SEC22A: variants seen among roughly 807,000 people sequenced by gnomAD.
The protein encoded by SEC22A is vesicle-trafficking protein SEC22a.
Under a neutral mutation model 35.3 loss-of-function variants are expected in SEC22A, and 22 were observed. That is an observed-to-expected ratio of 0.62 (90% CI 0.45 to 0.89). The LOEUF is 0.89. SEC22A is among the 40% of genes least tolerant of loss of function. The pLI is 0.00. For synonymous variants in SEC22A, 119 were observed against 129.5 expected, an observed-to-expected ratio of 0.92 and a Z score of 0.55; for missense variants, 354 against 362.5, an observed-to-expected ratio of 0.98 and a Z score of 0.19.
intron 2 of SEC22A, among the ~76,000 whole-genome samples, chr3:123,214,463 A>G (rs1203497189): frequency 6.6e-6 from 1 of 152,188 alleles, no homozygotes; most frequent in Non-Finnish European, 1.5e-5. Flanking sequence ...ATTGGGCAGG[A>G]TGGTGTGTAG....
At chr3:123,233,378 A>T (rs1245883855) in intron 4 of SEC22A, among the ~76,000 whole-genome samples, 1 of 152,192 alleles carries the variant, frequency 6.6e-6, no homozygotes, top group Non-Finnish European at 1.5e-5. Context: ...TATACTATCT[A>T]GGTTTGTGTA....
intron 1 of SEC22A, among the ~76,000 whole-genome samples, chr3:123,206,896 T>C (rs1936863001): frequency 6.6e-6 from 1 of 152,234 alleles, no homozygotes; most frequent in Non-Finnish European, 1.5e-5. Flanking sequence ...GAGACCAGCC[T>C]GGCCAACATG....
At chr3:123,236,152 A>C (rs1434858775) in intron 4 of SEC22A, among the ~76,000 whole-genome samples, 2 of 152,174 alleles carry the variant, frequency 1.3e-5, no homozygotes, top group African/African-American at 2.4e-5. Flanking sequence ...GAGTATACGA[A>C]AAACTCCTGA....
intron 6 of SEC22A, among the ~76,000 whole-genome samples, chr3:123,268,453 A>G (rs374994928): frequency 2.6e-5 from 4 of 152,260 alleles, no homozygotes; most frequent in African/African-American, 9.6e-5. Flanking sequence ...TTTCCTCCAC[A>G]GTTCAGAGTC....
chr3:123,246,815 C>G (rs181638775), intron 5 of SEC22A, among the ~76,000 whole-genome samples: 7 of 152,252 alleles, frequency 4.6e-5, no homozygotes, highest in African/African-American at 1.7e-4. Flanking sequence ...GTGCAGAATA[C>G]CATTTGTAAA....
At chr3:123,256,241 G>A (rs1937729877) in intron 5 of SEC22A, among the ~76,000 whole-genome samples, 1 of 152,132 alleles carries the variant, frequency 6.6e-6, no homozygotes, top group African/African-American at 2.4e-5. Context: ...ATAGAAGACT[G>A]CCAAGTTAGA....
chr3:123,271,812 A>C lies in SEC22A; in HGVS notation c.*90A>C. 2 of 1,069,852 alleles carry C rather than the reference A, an allele frequency of 1.9e-6. No homozygotes were observed. The highest frequency in any genetic ancestry group is 2.7e-6 in the Non-Finnish European group (2 of 728,250). The allele number at this position is 1,069,852 out of a possible 1,614,324, so 66.3% of individuals were successfully genotyped here. A position where few individuals can be genotyped will look rare whatever the true frequency, so the allele number is the denominator to read the frequency against. ...CTGTGATGAAGAAGCTGTTCCCCAC[A>C]GAGGAGAAGCTCTGCTTTCTTTCTC... On this transcript the variant is annotated 3_prime_UTR_variant, in exon 7 of 7. Coordinates refer to ENST00000492595, the MANE Select transcript of SEC22A (RefSeq NM_012430.5).
At chr3:123,270,684 C>T (rs1938139940) in intron 6 of SEC22A, among the ~76,000 whole-genome samples, 1 of 152,164 alleles carries the variant, frequency 6.6e-6, no homozygotes, top group Admixed American at 6.5e-5. Flanking sequence ...AAGCACATTT[C>T]TCAAGTATGT....
intron 4 of SEC22A, among the ~76,000 whole-genome samples, chr3:123,236,823 A>G (rs1937428195): frequency 6.6e-6 from 1 of 152,088 alleles, no homozygotes; most frequent in Admixed American, 6.6e-5. Context: ...GCACACACAC[A>G]CACACGCACA....
Position 123,208,887 on chromosome 3 carries a change from C to T in SEC22A, c.-19-312C>T, listed in dbSNP as rs781455217. On this transcript the variant is annotated intron_variant, in intron 1 of 6. Transcript: ENST00000492595. ...TCGGCTCACTGCAACCTCTGCCTCC[C>T]GGGTTCAAGCAATTCTCCTGCCTCG... 639 of 268,710 alleles carry T rather than the reference C, an allele frequency of 2.4e-3. 4 individuals carry two copies. Among genetic ancestry groups the T allele is most frequent in the Non-Finnish European group, 2.2e-3 (302 of 136,846 alleles). 16.6% of individuals were successfully genotyped at this position (268,710 alleles called of 1,614,324 possible).
At chr3:123,234,512 A>T (rs955566913) in intron 4 of SEC22A, among the ~76,000 whole-genome samples, 4 of 152,198 alleles carry the variant, frequency 2.6e-5, no homozygotes, top group African/African-American at 9.7e-5. Flanking sequence ...ACAATGGTGA[A>T]AGAATAGTCT....
chr3:123,207,049 C>G (rs1051846193), intron 1 of SEC22A, among the ~76,000 whole-genome samples: 3 of 152,194 alleles, frequency 2.0e-5, no homozygotes, highest in Non-Finnish European at 4.4e-5. Flanking sequence ...GATCGCACCA[C>G]TACACTCGTC....
chr3:123,259,482 T>G, intron 5 of SEC22A, 42 bp from the exon 6 acceptor site: 4 of 1,392,168 alleles, frequency 2.9e-6, no homozygotes, highest in East Asian at 2.3e-5. Context: ...GGAAATGGGC[T>G]CCCACCGGAA....
intron 4 of SEC22A, among the ~76,000 whole-genome samples, 179 bp downstream of exon 4, chr3:123,225,476 G>A (rs990856666): frequency 6.6e-6 from 1 of 152,126 alleles, no homozygotes; most frequent in African/African-American, 2.4e-5. Context: ...GACTAATCGG[G>A]AAAATACTTT....
chr3:123,268,342 C>G (rs1331743165), intron 6 of SEC22A, among the ~76,000 whole-genome samples: 1 of 152,158 alleles, frequency 6.6e-6, no homozygotes, highest in African/African-American at 2.4e-5. Context: ...TAGTTGCCAG[C>G]TTCTTCAGCT....
At chr3:123,223,830 A>G (rs1333584659) in intron 3 of SEC22A, 108 bp downstream of exon 3, 15 of 759,858 alleles carry the variant, frequency 2.0e-5, no homozygotes, top group Admixed American at 2.7e-5. Flanking sequence ...TGCTTTTGAT[A>G]TAATAATTTG....
In SEC22A at chr3:123,245,243, A is replaced by G. The variant is rs573325846; in HGVS notation, c.542-656A>G. ...TTTTCAGAAAAAGTAGGATTATGCA[A>G]TGAATTTCCAAGCAAAGTCACCTTT... On this transcript the variant is annotated intron_variant, in intron 4 of 6. Transcript: ENST00000492595. Among the ~76,000 whole-genome samples, 5 of 152,378 alleles carry G rather than the reference A, an allele frequency of 3.3e-5. No homozygotes were observed. The East Asian group carries it at 7.7e-4, about 23-fold the overall frequency.
chr3:123,238,543 A>C (rs908563451), intron 4 of SEC22A, among the ~76,000 whole-genome samples: 5 of 152,174 alleles, frequency 3.3e-5, no homozygotes, highest in African/African-American at 1.2e-4. Context: ...ATTCAGACCA[A>C]GCCTACATAA....
Position 123,255,976 on chromosome 3 carries a change from G to T in SEC22A, c.658-3548G>T, listed in dbSNP as rs929067105. 1.4e-4 allele frequency among the ~76,000 whole-genome samples: 21 copies of T among 149,704 alleles called. 1 individual carries two copies. Among genetic ancestry groups the T allele is most frequent in the African/African-American group, 4.7e-4 (19 of 40,508 alleles). ...AGTTAATACTGTAGGTATCATCTCAGTTTATTCCAAAATTGAATTCAATAT... is the reference window on the plus strand; with the variant it reads ...AGTTAATACTGTAGGTATCATCTCATTTTATTCCAAAATTGAATTCAATAT... On this transcript the variant is annotated intron_variant, in intron 5 of 6. Coordinates refer to ENST00000492595, the MANE Select transcript of SEC22A (RefSeq NM_012430.5).
Sources: allele counts gnomAD v4.1 joint callset (sites outside exome capture counted in the v4.1 genomes callset), GRCh38; gene constraint gnomAD v4.1.1; transcripts MANE v1.5; gene names NCBI Gene and HGNC (gene_info 2026-07-23, HGNC 2026-07-21).